The following EXOC6 variants were observed in gnomAD, a reference collection of about 807,000 sequenced individuals.
EXOC6 encodes the protein exocyst complex component 6, also known as SEC15-like 1.
EXOC6 carries 60 observed loss-of-function variants against 112.5 expected under a neutral mutation model. That is an observed-to-expected ratio of 0.53 (90% CI 0.43 to 0.66). The LOEUF (loss-of-function observed/expected upper bound fraction) is 0.66, where lower values mean the gene tolerates loss of function less well. EXOC6 is among the 30% of genes least tolerant of loss of function. EXOC6 has a pLI of 0.00. For missense variants in EXOC6, 855 were observed against 957.1 expected (o/e 0.89, Z 1.41); for synonymous variants, 295 against 308.0 (o/e 0.96, Z 0.44).
chr10:92,975,658 G>A (rs1842536563), intron 18 of EXOC6, among the ~76,000 whole-genome samples: 1 of 131,686 alleles, frequency 7.6e-6, no homozygotes, highest in Non-Finnish European at 1.7e-5. Context: ...CGTCCGGGAG[G>A]TGAGGGGCGC....
At chr10:92,852,407 A>C (rs934718130) in intron 1 of EXOC6, among the ~76,000 whole-genome samples, 3 of 152,210 alleles carry the variant, frequency 2.0e-5, no homozygotes, top group Non-Finnish European at 2.9e-5. Flanking sequence ...TAAAGAAAGA[A>C]AGACATAACT....
At chr10:92,955,789 A>C in intron 17 of EXOC6, 75 bp downstream of exon 17, 1 of 1,357,770 alleles carries the variant, frequency 7.4e-7, no homozygotes, top group Non-Finnish European at 1.0e-6. Context: ...GACCGTTCTT[A>C]TATATGCAAG....
At chr10:92,991,352 C>T (rs756747661) in intron 18 of EXOC6, among the ~76,000 whole-genome samples, 4 of 149,672 alleles carry the variant, frequency 2.7e-5, no homozygotes, top group Admixed American at 1.3e-4. Flanking sequence ...ATAAGAATCG[C>T]TTGAACCTGG....
intron 5 of EXOC6, among the ~76,000 whole-genome samples, chr10:92,902,742 C>A (rs1850245542): frequency 6.6e-6 from 1 of 152,146 alleles, no homozygotes. Flanking sequence ...ATTACCCCCA[C>A]AGTTTGCTCA....
intron 17 of EXOC6, among the ~76,000 whole-genome samples, chr10:92,969,720 G>A (rs1033322151): frequency 1.3e-5 from 2 of 151,954 alleles, no homozygotes; most frequent in Non-Finnish European, 2.9e-5. Flanking sequence ...TTGAGATGGA[G>A]TTTCACTCTG....
intron 20 of EXOC6, among the ~76,000 whole-genome samples, chr10:93,035,798 T>G (rs1167129138): frequency 6.6e-6 from 1 of 152,232 alleles, no homozygotes; most frequent in Non-Finnish European, 1.5e-5. Context: ...GAGGTTGCAG[T>G]GAGCCAAGAT....
At chr10:92,903,542 T>G (rs1287891778) in intron 5 of EXOC6, among the ~76,000 whole-genome samples, 1 of 152,012 alleles carries the variant, frequency 6.6e-6, no homozygotes, top group African/African-American at 2.4e-5. Context: ...TATCTAGAGA[T>G]CTCTAAGTGT....
At chr10:92,839,071 A>C (rs554599726) in intron 1 of EXOC6, among the ~76,000 whole-genome samples, 71 of 138,750 alleles carry the variant, frequency 5.1e-4, no homozygotes, top group Middle Eastern at 3.8e-3. Context: ...AGACTCCTCT[A>C]AAAAAAAAAA....
In EXOC6 at chr10:92,894,835, A is replaced by C. The variant is rs201615683; in HGVS notation, c.315A>C (p.Gly105=). 1.9e-6 allele frequency: 3 copies of C among 1,613,398 alleles called. No homozygotes were observed. Among genetic ancestry groups the C allele is most frequent in the East Asian group, 4.5e-5 (2 of 44,796 alleles). Residue 105 remains glycine (G), a synonymous_variant, in exon 3 of 22, where the codon GGA becomes GGC. Coordinates refer to ENST00000260762, the MANE Select transcript of EXOC6 (RefSeq NM_019053.6). The part of the protein sequence containing the change: ...TDTNRRFQDA[G]KEVIVHTEDI... ...CCAACCGAAGGTTTCAAGATGCTGG[A>C]AAAGAGGTGAGAAAATGATACTTTT...
chr10:92,948,349 A>T lies in EXOC6; in HGVS notation c.1386A>T (p.Lys462Asn). The change falls in exon 14 of 22, where the codon AAA (lysine) becomes AAT (asparagine). Residue 462 changes from lysine (K) to asparagine (N), a missense_variant. Around this residue, in one of 2 missense-constraint regions of EXOC6, gnomAD observed 450 missense variants for 563.5 expected, o/e 0.80. Transcript: ENST00000260762. ...AAGAATATAAAATTGTCATCAGCAA[A>T]TTTCCCTTTCAAGATCCAGACCTTG... is the stretch of plus-strand genomic sequence containing the variant. ...NEEEYKIVIS[K>N]FPFQDPDLEK... is the part of the protein sequence containing the mutation. 12 of 1,606,212 alleles carry T rather than the reference A, an allele frequency of 7.5e-6. No homozygotes were observed. The highest frequency in any genetic ancestry group is 9.3e-6 in the Non-Finnish European group (11 of 1,176,502).
chr10:92,991,144 A>G (rs985969761), intron 18 of EXOC6, among the ~76,000 whole-genome samples: 3 of 149,420 alleles, frequency 2.0e-5, no homozygotes, highest in Non-Finnish European at 4.4e-5. Context: ...TTTTTTTCCC[A>G]AGACAGAGTC....
chr10:92,891,377 G>C (rs1589773096), intron 1 of EXOC6, among the ~76,000 whole-genome samples: 1 of 152,150 alleles, frequency 6.6e-6, no homozygotes, highest in South Asian at 2.1e-4. Context: ...TCAGAGCCTA[G>C]TTCTAACTCA....
intron 18 of EXOC6, among the ~76,000 whole-genome samples, chr10:92,984,177 G>A (rs1232580154): frequency 6.6e-6 from 1 of 151,984 alleles, no homozygotes; most frequent in Non-Finnish European, 1.5e-5. Context: ...CAAGTTCTGG[G>A]CACTTGAAGG....
rs71028851 is a variant in EXOC6 at position 92,828,690 on chromosome 10, CTGTGTGTGTGTG to C, written c.-27+1774_-27+1785del. On this transcript the variant is annotated intron_variant, in intron 1 of 22. Coordinates refer to the EXOC6 transcript ENST00000671701. ...TTCTAGGTTGCTGAGTTTTGTGTGT[CTGTGTGTGTGTG>C]TGTGTGTGTGTGTGTGTGTGTGTGT... 9.8e-4 allele frequency among the ~76,000 whole-genome samples: 103 copies of C among 105,198 alleles called. 1 individual carries two copies. Among genetic ancestry groups the C allele is most frequent in the Middle Eastern group, 6.7e-3 (1 of 150 alleles). The allele number at this position is 105,198 out of a possible 152,430, so 69.0% of individuals were successfully genotyped here. A position where few individuals can be genotyped will look rare whatever the true frequency, so the allele number is the denominator to read the frequency against.
chr10:93,000,445 T>C (rs1326613955), intron 19 of EXOC6, among the ~76,000 whole-genome samples: 1 of 152,168 alleles, frequency 6.6e-6, no homozygotes, highest in Non-Finnish European at 1.5e-5. Flanking sequence ...AAAACTCTGA[T>C]GTTTTCTTTA....
intron 1 of EXOC6, among the ~76,000 whole-genome samples, chr10:92,854,474 A>G (rs1222928195): frequency 6.6e-6 from 1 of 152,152 alleles, no homozygotes; most frequent in Non-Finnish European, 1.5e-5. Flanking sequence ...TGTATTGGTA[A>G]GGATGTAGAA....
intron 1 of EXOC6, among the ~76,000 whole-genome samples, chr10:92,857,287 G>T (rs1847650714): frequency 6.6e-6 from 1 of 151,460 alleles, no homozygotes; most frequent in Admixed American, 6.6e-5. Context: ...GTTCTTAGTG[G>T]TTGCTCTCAG....
chr10:92,881,137 C>G (rs1253862240), intron 1 of EXOC6, among the ~76,000 whole-genome samples: 1 of 152,142 alleles, frequency 6.6e-6, no homozygotes, highest in Non-Finnish European at 1.5e-5. Flanking sequence ...CTGGCAGTTG[C>G]TGTGGCTGTC....
At chr10:92,992,315 T>G (rs1191781649) in intron 18 of EXOC6, among the ~76,000 whole-genome samples, 3 of 150,056 alleles carry the variant, frequency 2.0e-5, no homozygotes, top group African/African-American at 4.9e-5. Context: ...AAAAAAAATT[T>G]GTCTTCAAGG....
Sources: gnomAD v4.1 joint callset for allele counts (sites outside exome capture counted in the v4.1 genomes callset) on GRCh38, gnomAD v4.1.1 for gene constraint, gnomAD v4.1.1 regional missense constraint, MANE v1.5 for transcripts, NCBI Gene and HGNC (gene_info 2026-07-23, HGNC 2026-07-21) for gene names.